Variants in CD302 observed in about 807,000 individuals in gnomAD.
The protein encoded by CD302 is CD302 antigen.
A neutral mutation model predicts 26.5 loss-of-function variants in CD302; 23 were observed. That is an observed-to-expected ratio of 0.87 (90% CI 0.62 to 1.23). The LOEUF is 1.23. Ranked by LOEUF, CD302 falls within the 50% of genes most tolerant of loss-of-function variation. CD302 has a pLI of 0.00. For synonymous variants in CD302, 90 were observed against 99.4 expected (o/e 0.91, Z 0.56); for missense variants, 290 against 275.5 (o/e 1.05, Z -0.37).
rs1390761939 is a variant in CD302, at chr2:159,770,312, G to A, written c.*1539C>T. On this transcript the variant is annotated 3_prime_UTR_variant, in exon 6 of 6. Transcript: ENST00000259053. Reference sequence around the variant, plus strand: ...TCTTACAGAGCATGCTTGTGCTTGTGTAACAGCTGGTGTAATGCCTGCATT... The same window carrying A: ...TCTTACAGAGCATGCTTGTGCTTGTATAACAGCTGGTGTAATGCCTGCATT... 1 of 152,156 alleles carries A rather than the reference G, an allele frequency of 6.6e-6. No individual in the cohort carries two copies. The allele number at this position is 152,156 out of a possible 1,614,324, so 9.4% of individuals were successfully genotyped here.
intron 5 of CD302, among the ~76,000 whole-genome samples, chr2:159,777,021 C>CTG (rs1316844891): frequency 6.6e-6 from 1 of 151,872 alleles, no homozygotes; most frequent in Admixed American, 6.6e-5. Context: ...CTTTGGGAGG[C>CTG]TGAGGCGGGT....
At chr2:159,789,130 A>T (rs1422852625) in intron 1 of CD302, among the ~76,000 whole-genome samples, 2 of 150,814 alleles carry the variant, frequency 1.3e-5, no homozygotes, top group African/African-American at 4.9e-5. Context: ...TGATCCTCCC[A>T]CCTCAGCCTC....
intron 5 of CD302, among the ~76,000 whole-genome samples, chr2:159,772,790 C>G (rs1708195475): frequency 6.6e-6 from 1 of 152,094 alleles, no homozygotes; most frequent in Non-Finnish European, 1.5e-5. Context: ...ATTATTTCAA[C>G]TGGTGCTTGT....
chr2:159,781,241 T>A (rs1708496923), intron 2 of CD302, among the ~76,000 whole-genome samples: 1 of 152,112 alleles, frequency 6.6e-6, no homozygotes, highest in Admixed American at 6.5e-5. Flanking sequence ...CATAATTTTT[T>A]TTAAGGGATG....
In CD302 at chr2:159,771,649, T is replaced by C; in HGVS notation, c.*202A>G. On this transcript the variant is annotated 3_prime_UTR_variant, in exon 6 of 6. Transcript: ENST00000259053. ...TGACGGGATGCTTAAAATCACTATA[T>C]TAGATCTAAGATCATTTCTAAAACC... 2 of 573,046 alleles carry C rather than the reference T, an allele frequency of 3.5e-6. No individual in the cohort carries two copies. Among genetic ancestry groups the C allele is most frequent in the Non-Finnish European group, 5.9e-6 (2 of 340,576 alleles). 35.5% of individuals were successfully genotyped at this position (573,046 alleles called of 1,614,324 possible). A position where few individuals can be genotyped will look rare whatever the true frequency, so the allele number is the denominator to read the frequency against.
chr2:159,792,660 C>A (rs551816703), intron 1 of CD302, among the ~76,000 whole-genome samples: 1 of 152,032 alleles, frequency 6.6e-6, no homozygotes, highest in Non-Finnish European at 1.5e-5. Context: ...GGACAACTTA[C>A]GATTTTTTGA....
Position 159,780,983 on chromosome 2 carries a change from C to T in CD302, c.194G>A (p.Ser65Asn). 1.2e-6 allele frequency: 2 copies of T among 1,606,962 alleles called. No individual in the cohort carries two copies. Residue 65 changes from serine (S) to asparagine (N), a missense_variant, in exon 3 of 6, where the codon AGC becomes AAC. Physicochemically the swap from Ser to Asn is conservative, Grantham distance 46. Transcript: ENST00000259053. Reference protein sequence around the residue: ...QCTDHGADMISIHNEEENAFI... With the variant: ...QCTDHGADMINIHNEEENAFI... ...AGCATTTTCTTCTTCATTATGTATG[C>T]TTATCATGTCCGCTCCTGAAATTAT...
In CD302 at chr2:159,770,225, A is replaced by G. The variant is rs996502110; in HGVS notation, c.*1626T>C. ...GTAGTGTTCAATATTGACATTAGTAATAGTCTATCAATAATAAAATAGACA... is the reference window on the plus strand; with the variant it reads ...GTAGTGTTCAATATTGACATTAGTAGTAGTCTATCAATAATAAAATAGACA... On this transcript the variant is annotated 3_prime_UTR_variant, in exon 6 of 6. Transcript: ENST00000259053. The G allele has an allele frequency of 3.9e-4, 60 of 152,192 alleles. 1 individual carries two copies. The highest frequency in any genetic ancestry group is 2.9e-5 in the Non-Finnish European group (2 of 68,046). 9.4% of individuals were successfully genotyped at this position (152,192 alleles called of 1,614,324 possible).
chr2:159,775,216 C>CT (rs1369250073), intron 5 of CD302, among the ~76,000 whole-genome samples: 1 of 152,196 alleles, frequency 6.6e-6, no homozygotes, highest in Non-Finnish European at 1.5e-5. Context: ...TCTTCAATGT[C>CT]TAACTTTAGG....
chr2:159,777,062 G>A (rs1708356351), intron 5 of CD302, among the ~76,000 whole-genome samples: 1 of 151,734 alleles, frequency 6.6e-6, no homozygotes, highest in Non-Finnish European at 1.5e-5. Flanking sequence ...TTTGAGACTA[G>A]CCTGGGTAAC....
At chr2:159,780,239 G>A (rs1399046344) in intron 3 of CD302, 61 bp from the exon 4 acceptor site, 1 of 1,573,398 alleles carries the variant, frequency 6.4e-7, no homozygotes, top group East Asian at 2.2e-5. Flanking sequence ...AAGCCAAAAA[G>A]GGTGTAGGAT....
At chr2:159,797,982 G>A in intron 1 of CD302, 150 bp downstream of exon 1, 1 of 693,438 alleles carries the variant, frequency 1.4e-6, no homozygotes, top group Non-Finnish European at 2.2e-6. Context: ...CAGGACCCAC[G>A]GGGGACGGGC....
At chr2:159,790,944 T>C (rs190992536) in intron 1 of CD302, among the ~76,000 whole-genome samples, 143 of 152,348 alleles carry the variant, frequency 9.4e-4, no homozygotes, top group Middle Eastern at 3.4e-3. Flanking sequence ...CAAGCACTTA[T>C]AGTTCTTTTT....
In CD302 at chr2:159,794,416, T is replaced by C. The variant is rs1388254436; in HGVS notation, c.67+3716A>G. 2.0e-5 allele frequency among the ~76,000 whole-genome samples: 3 copies of C among 150,698 alleles called. No homozygotes were observed. The East Asian group carries it at 5.8e-4, about 29-fold the overall frequency. ...AACTAGTTTTCAACACATAAGCAAA[T>C]TGTTAAAAGATTCTCAACAGTAAAA... On this transcript the variant is annotated intron_variant, in intron 1 of 5. Transcript: ENST00000259053.
rs745563799 is a variant in CD302 at position 159,771,901 on chromosome 2, A to AGTCT, written c.645_648dup (p.Cys217ArgfsTer11). 89 of 1,613,904 alleles carry AGTCT rather than the reference A, an allele frequency of 5.5e-5. No homozygotes were observed. Among genetic ancestry groups the AGTCT allele is most frequent in the Non-Finnish European group, 6.6e-5 (78 of 1,179,930 alleles). Reference sequence around the variant, plus strand: ...TTTTCTTCTCCAACTACCAAAACACAGTCTTCATTATAAGGTGATTGGGGT... The same window carrying AGTCT: ...TTTTCTTCTCCAACTACCAAAACACAGTCTGTCTTCATTATAAGGTGATTGGGGT... On this transcript the variant is annotated frameshift_variant, in exon 6 of 6. Transcript: ENST00000259053. LOFTEE classifies it high-confidence loss of function.
chr2:159,782,414 CAAAAA>C (rs72068957), intron 2 of CD302, among the ~76,000 whole-genome samples: 51 of 70,716 alleles, frequency 7.2e-4, no homozygotes, highest in African/African-American at 2.4e-3. Flanking sequence ...CTCCATCTCA[CAAAAA>C]AAAAAAAAAA....
intron 4 of CD302, 58 bp from the exon 5 acceptor site, chr2:159,778,022 C>T: frequency 1.5e-6 from 1 of 683,956 alleles, no homozygotes; most frequent in South Asian, 2.2e-5. Flanking sequence ...ATAGGATTGA[C>T]TTTAAACATG....
At chr2:159,776,969 T>C (rs779486731) in intron 5 of CD302, among the ~76,000 whole-genome samples, 4 of 152,198 alleles carry the variant, frequency 2.6e-5, no homozygotes, top group Admixed American at 6.5e-5. Flanking sequence ...AAAAAAAATA[T>C]GGGTGGCTGG....
chr2:159,778,005 C>A, intron 4 of CD302, 41 bp from the exon 5 acceptor site: 4 of 817,004 alleles, frequency 4.9e-6, no homozygotes, highest in South Asian at 3.7e-5. Context: ...TTTAATTATG[C>A]TTTATTATAG....
Sources: allele counts gnomAD v4.1 joint callset (sites outside exome capture counted in the v4.1 genomes callset), GRCh38; gene constraint gnomAD v4.1.1; transcripts MANE v1.5; gene names NCBI Gene and HGNC (gene_info 2026-07-23, HGNC 2026-07-21).